Variants in KCNS3 observed in about 807,000 individuals in gnomAD.
The protein encoded by KCNS3 is delayed-rectifier potassium channel regulatory subunit KCNS3.
In KCNS3, 13 loss-of-function variants were observed where a neutral mutation model predicts 31.0. The ratio of observed to expected loss-of-function variants is 0.42; its 90% CI spans 0.27 to 0.67. The LOEUF (loss-of-function observed/expected upper bound fraction) is 0.67, where lower values mean the gene tolerates loss of function less well. Ranked by LOEUF, KCNS3 falls within the 30% of genes least tolerant of loss-of-function variation. The pLI, the probability that KCNS3 is intolerant of heterozygous loss-of-function variation, is 0.25. For missense variants in KCNS3, 545 were observed against 622.4 expected, an observed-to-expected ratio of 0.88 and a Z score of 1.32; for synonymous variants, 238 against 241.5, an observed-to-expected ratio of 0.99 and a Z score of 0.13.
intron 2 of KCNS3, among the ~76,000 whole-genome samples, chr2:17,924,905 G>C (rs1369545047): frequency 6.6e-6 from 1 of 152,138 alleles, no homozygotes; most frequent in Non-Finnish European, 1.5e-5. Context: ...TTTTGGGAGG[G>C]TTTGTGGAAG....
chr2:17,932,357 C>G lies in KCNS3; in HGVS notation c.1349C>G (p.Thr450Ser). Residue 450 changes from threonine (T) to serine (S), a missense_variant, in exon 3 of 3, where the codon ACC (threonine) becomes AGC (serine). Transcript: ENST00000304101. Reference protein sequence around the residue: ...IRDIYAQRMHTFITSLSSVGI... With the variant: ...IRDIYAQRMHSFITSLSSVGI... Reference sequence around the variant, plus strand: ...GATATATATGCACAGCGGATGCACACCTTCATTACCAGTCTCTCTTCTGTA... The same window carrying G: ...GATATATATGCACAGCGGATGCACAGCTTCATTACCAGTCTCTCTTCTGTA... The G allele has an allele frequency of 6.2e-7, 1 of 1,614,106 alleles. No individual in the cohort carries two copies. Among genetic ancestry groups the G allele is most frequent in the Non-Finnish European group, 8.5e-7 (1 of 1,179,988 alleles).
At chr2:17,929,597 T>C (rs1349939315) in intron 2 of KCNS3, among the ~76,000 whole-genome samples, 1 of 152,154 alleles carries the variant, frequency 6.6e-6, no homozygotes, top group Non-Finnish European at 1.5e-5. Flanking sequence ...CCAAACCATA[T>C]TAGGTGGACT....
At chr2:17,884,890 C>T (rs1370326325) in intron 1 of KCNS3, among the ~76,000 whole-genome samples, 2 of 150,718 alleles carry the variant, frequency 1.3e-5, no homozygotes, top group African/African-American at 4.9e-5. Context: ...GGTTCTGTCG[C>T]CAAATCTGGG....
At chr2:17,906,919 G>A (rs1015631394) in intron 1 of KCNS3, among the ~76,000 whole-genome samples, 1 of 152,300 alleles carries the variant, frequency 6.6e-6, no homozygotes, top group Admixed American at 6.5e-5. Context: ...GTGGTGCTGC[G>A]AAGAATGTAT....
At chr2:17,905,814 C>G (rs1482396543) in intron 1 of KCNS3, among the ~76,000 whole-genome samples, 2 of 152,178 alleles carry the variant, frequency 1.3e-5, no homozygotes, top group African/African-American at 4.8e-5. Flanking sequence ...ATGAAGCCCA[C>G]TTGATCATGG....
intron 2 of KCNS3, among the ~76,000 whole-genome samples, chr2:17,929,371 T>C (rs141936865): frequency 3.9e-5 from 6 of 152,292 alleles, no homozygotes; most frequent in African/African-American, 1.4e-4. Flanking sequence ...AGCCAGCATG[T>C]CTTACATGGC....
chr2:17,892,850 A>C (rs763903753), intron 1 of KCNS3, among the ~76,000 whole-genome samples: 1 of 152,126 alleles, frequency 6.6e-6, no homozygotes, highest in Non-Finnish European at 1.5e-5. Flanking sequence ...GGAGGGTGCA[A>C]TGGACTCCAT....
intron 1 of KCNS3, among the ~76,000 whole-genome samples, chr2:17,882,581 G>T (rs1223565512): frequency 6.6e-6 from 1 of 152,168 alleles, no homozygotes; most frequent in Admixed American, 6.5e-5. Flanking sequence ...CCTGGCCTTT[G>T]CTTGCTGGTC....
At position 17,931,294 on chromosome 2, in the gene KCNS3, G is replaced by A. The variant is rs745736584; in HGVS notation, c.286G>A (p.Val96Ile). The A allele has an allele frequency of 1.1e-5, 17 of 1,614,040 alleles. No individual in the cohort carries two copies. Among genetic ancestry groups the A allele is most frequent in the African/African-American group, 8.0e-5 (6 of 74,908 alleles). The change falls in exon 3 of 3, where the codon GTA becomes ATA. Residue 96 changes from valine (V) to isoleucine (I), a missense_variant. Val to Ile is a conservative substitution (Grantham distance 29). Coordinates refer to ENST00000304101, the MANE Select transcript of KCNS3 (RefSeq NM_002252.5). This position sits in a 1 kb window ranked among gnomAD's most constrained non-coding sequence, Gnocchi z 5.4. Reference sequence around the variant, plus strand: ...GCTGCATGTCATGGAGGAGCTGTGCGTATTCTCATTCTGCCAGGAGATCGA... The same window carrying A: ...GCTGCATGTCATGGAGGAGCTGTGCATATTCTCATTCTGCCAGGAGATCGA... Reference protein sequence around the residue: ...GKLHVMEELCVFSFCQEIEYW... With the variant: ...GKLHVMEELCIFSFCQEIEYW...
chr2:17,884,260 AAAAAAAAAAT>A (rs1455731184), intron 1 of KCNS3, among the ~76,000 whole-genome samples: 3,279 of 81,074 alleles, frequency 0.04, 58 homozygotes, highest in South Asian at 0.11. Context: ...TATAATTAAA[AAAAAAAAAAT>A]ATATATATAT....
intron 1 of KCNS3, among the ~76,000 whole-genome samples, chr2:17,898,707 G>T (rs1180614373): frequency 6.6e-6 from 1 of 152,164 alleles, no homozygotes; most frequent in African/African-American, 2.4e-5. Context: ...AGAACACGAG[G>T]ACATTATTTT....
At chr2:17,927,214 C>T (rs1217667664) in intron 2 of KCNS3, among the ~76,000 whole-genome samples, 1 of 152,204 alleles carries the variant, frequency 6.6e-6, no homozygotes, top group Admixed American at 6.5e-5. Context: ...AGTTTTTCAT[C>T]TCCATCTGAG....
chr2:17,879,206 T>C (rs1430877012), intron 1 of KCNS3, among the ~76,000 whole-genome samples: 3 of 152,244 alleles, frequency 2.0e-5, no homozygotes, highest in African/African-American at 4.8e-5. Flanking sequence ...AGGCGGCACC[T>C]CGCGTAGGGG....
chr2:17,890,086 C>T (rs1015010620), intron 1 of KCNS3, among the ~76,000 whole-genome samples: 2 of 151,990 alleles, frequency 1.3e-5, no homozygotes, highest in African/African-American at 4.8e-5. Context: ...TAAAAATTAC[C>T]ATTTCAATCT....
At chr2:17,884,256 TAAAAAA>T (rs34385647) in intron 1 of KCNS3, among the ~76,000 whole-genome samples, 1,795 of 86,424 alleles carry the variant, frequency 0.021, 41 homozygotes, top group Non-Finnish European at 0.026. Flanking sequence ...AAAGTATAAT[TAAAAAA>T]AAAAAAATAT....
chr2:17,931,227 C>T lies in KCNS3; in HGVS notation c.219C>T (p.Pro73=). 1.2e-6 allele frequency: 2 copies of T among 1,614,126 alleles called. No individual in the cohort carries two copies. Among genetic ancestry groups the T allele is most frequent in the Admixed American group, 1.7e-5 (1 of 59,998 alleles). Residue 73 remains proline (P), a synonymous_variant, in exon 3 of 3, where the codon CCC becomes CCT. Coordinates refer to ENST00000304101, the MANE Select transcript of KCNS3 (RefSeq NM_002252.5). This position sits in a 1 kb window ranked among gnomAD's most constrained non-coding sequence, Gnocchi z 5.4. ...AGGAGTACTACTTTGATCGGAATCCCTCCTTGTTCAGATATGTTTTGAATT... is the reference window on the plus strand; with the variant it reads ...AGGAGTACTACTTTGATCGGAATCCTTCCTTGTTCAGATATGTTTTGAATT... The part of the protein sequence containing the change: ...ADKEYYFDRN[P]SLFRYVLNFY...
rs750734353 is a variant in KCNS3 at position 17,931,226 on chromosome 2, C to T, written c.218C>T (p.Pro73Leu). Residue 73 changes from proline (P) to leucine (L), a missense_variant, in exon 3 of 3, where the codon CCC becomes CTC. Transcript: ENST00000304101. This position sits in a 1 kb window ranked among gnomAD's most constrained non-coding sequence, Gnocchi z 5.4. Reference protein sequence around the residue: ...ADKEYYFDRNPSLFRYVLNFY... With the variant: ...ADKEYYFDRNLSLFRYVLNFY... Reference sequence around the variant, plus strand: ...AAGGAGTACTACTTTGATCGGAATCCCTCCTTGTTCAGATATGTTTTGAAT... The same window carrying T: ...AAGGAGTACTACTTTGATCGGAATCTCTCCTTGTTCAGATATGTTTTGAAT... 6.2e-7 allele frequency: 1 copy of T among 1,614,048 alleles called. No homozygotes were observed. The highest frequency in any genetic ancestry group is 8.5e-7 in the Non-Finnish European group (1 of 1,179,998).
intron 1 of KCNS3, among the ~76,000 whole-genome samples, chr2:17,890,375 C>A (rs7585243): frequency 6.7e-6 from 1 of 149,272 alleles, no homozygotes; most frequent in Admixed American, 6.7e-5. Context: ...AAAGAACCAG[C>A]TTTTTGTTTC....
chr2:17,923,502 C>T (rs778961238), intron 2 of KCNS3, among the ~76,000 whole-genome samples: 2 of 151,918 alleles, frequency 1.3e-5, no homozygotes, highest in South Asian at 2.1e-4. Flanking sequence ...ACTATTTTTT[C>T]TTTATTTTTC....
Sources: gnomAD v4.1 joint callset for allele counts (sites outside exome capture counted in the v4.1 genomes callset) on GRCh38, gnomAD v4.1.1 for gene constraint, Gnocchi (gnomAD v3.1) non-coding constraint, MANE v1.5 for transcripts, NCBI Gene and HGNC (gene_info 2026-07-23, HGNC 2026-07-21) for gene names.